Variants in CDKL2 observed in about 807,000 individuals in gnomAD.
The protein encoded by CDKL2 is cyclin-dependent kinase-like 2.
A neutral mutation model predicts 63.9 loss-of-function variants in CDKL2; 64 were observed. That is an observed-to-expected ratio of 1.00 (90% confidence interval 0.82 to 1.23). The LOEUF (loss-of-function observed/expected upper bound fraction) is 1.23. CDKL2 is among the 50% of genes most tolerant of loss of function. CDKL2 has a pLI of 0.00. For missense variants in CDKL2, 656 were observed against 668.0 expected (o/e 0.98, Z 0.20); for synonymous variants, 211 against 229.2 (o/e 0.92, Z 0.72).
intron 3 of CDKL2, among the ~76,000 whole-genome samples, chr4:75,610,413 A>G (rs1257171469): frequency 6.6e-6 from 1 of 152,158 alleles, no homozygotes; most frequent in Non-Finnish European, 1.5e-5. Flanking sequence ...GATTCTAAGT[A>G]TAACCAAGAT....
chr4:75,608,236 T>C (rs765348562), intron 3 of CDKL2, among the ~76,000 whole-genome samples: 34 of 148,638 alleles, frequency 2.3e-4, no homozygotes, highest in African/African-American at 7.7e-4. Flanking sequence ...GCGATTCTAC[T>C]GTCTCAGCCT....
At chr4:75,627,731 C>CTTTTTTTTTT (rs57328528) in intron 1 of CDKL2, among the ~76,000 whole-genome samples, 416 of 85,966 alleles carry the variant, frequency 4.8e-3, no homozygotes, top group African/African-American at 8.7e-3. Context: ...CTTTTTTTTT[C>CTTTTTTTTTT]TTTTTTTTTT....
chr4:75,602,822 A>C (rs13131739), intron 6 of CDKL2, among the ~76,000 whole-genome samples: 61,165 of 151,318 alleles, frequency 0.4, 13,071 homozygotes, highest in African/African-American at 0.51. Flanking sequence ...CCATGCCCAG[A>C]CCCTTTTTAT....
At chr4:75,623,114 CA>C (rs1176599333) in intron 2 of CDKL2, among the ~76,000 whole-genome samples, 1 of 151,768 alleles carries the variant, frequency 6.6e-6, no homozygotes, top group Non-Finnish European at 1.5e-5. Flanking sequence ...TATCTTTACC[CA>C]AAAAAATACA....
rs1165939407 is a variant in CDKL2 at position 75,602,987 on chromosome 4, C to CTTT, written c.795+827_795+829dup. Among the ~76,000 whole-genome samples the CTTT allele has an allele frequency of 4.6e-3, 406 of 87,490 alleles. 5 individuals carry two copies. The highest frequency in any genetic ancestry group is 9.8e-3 in the African/African-American group (217 of 22,184). 57.4% of individuals were successfully genotyped at this position (87,490 alleles called of 152,430 possible). A position where few individuals can be genotyped will look rare whatever the true frequency, so the allele number is the denominator to read the frequency against. ...AATGCTAGATAACAATAAATGGTTT[C>CTTT]TTTTTTTTTTTTTTTTTTTTTTTGA... On this transcript the variant is annotated intron_variant, in intron 6 of 13. Coordinates refer to ENST00000307465, the MANE Select transcript of CDKL2 (RefSeq NM_001330724.2).
chr4:75,599,507 G>C (rs1342497917), intron 7 of CDKL2, among the ~76,000 whole-genome samples: 2 of 123,456 alleles, frequency 1.6e-5, no homozygotes, highest in Non-Finnish European at 3.1e-5. Context: ...GTTGCAGTGA[G>C]CCAAGATTGC....
At chr4:75,585,421 C>T (rs925426465) in intron 12 of CDKL2, among the ~76,000 whole-genome samples, 1 of 151,952 alleles carries the variant, frequency 6.6e-6, no homozygotes, top group African/African-American at 2.4e-5. Context: ...AAGACCCCAT[C>T]TCTCAAAACA....
chr4:75,589,299 CTTTTTTT>C (rs34052339), intron 12 of CDKL2, among the ~76,000 whole-genome samples: 1 of 88,412 alleles, frequency 1.1e-5, no homozygotes, highest in African/African-American at 4.6e-5. Flanking sequence ...TTGATAGTTT[CTTTTTTT>C]TTTTTTTTTT....
Position 75,597,014 on chromosome 4 carries a change from G to C in CDKL2, c.1243C>G (p.Leu415Val). 1 of 1,614,212 alleles carries C rather than the reference G, an allele frequency of 6.2e-7. No individual in the cohort carries two copies. Among genetic ancestry groups the C allele is most frequent in the Non-Finnish European group, 8.5e-7 (1 of 1,180,024 alleles). ...TRNPSVAIPP[L>V]THNLSAVAPS... ...GCAACTGCAGAAAGATTGTGTGTAA[G>C]TGGGGGAATTGCCACGCTTGGATTC... Residue 415 changes from leucine (L) to valine (V), a missense_variant, in exon 9 of 14, where the codon CTT becomes GTT. Transcript: ENST00000307465.
chr4:75,610,097 G>A (rs1352692402), intron 3 of CDKL2, among the ~76,000 whole-genome samples: 3 of 152,042 alleles, frequency 2.0e-5, no homozygotes, highest in Non-Finnish European at 2.9e-5. Context: ...AGCTACTCGG[G>A]AGGCTGAGGC....
At chr4:75,590,171 AAAAGAAGT>A (rs1489284169) in intron 12 of CDKL2, among the ~76,000 whole-genome samples, 8 of 152,160 alleles carry the variant, frequency 5.3e-5, no homozygotes, top group Non-Finnish European at 1.0e-4. Flanking sequence ...TGTCTCAAAA[AAAAGAAGT>A]AAAGAAGTAT....
intron 10 of CDKL2, among the ~76,000 whole-genome samples, chr4:75,594,857 G>A (rs959811499): frequency 6.6e-6 from 1 of 152,190 alleles, no homozygotes; most frequent in Non-Finnish European, 1.5e-5. Flanking sequence ...AAGAGTAGGT[G>A]GAGATGGGAT....
chr4:75,577,593 C>G lies in CDKL2; in HGVS notation c.*1609G>C, dbSNP rs1320299377. Among the ~76,000 whole-genome samples, 1 of 152,142 alleles carries G rather than the reference C, an allele frequency of 6.6e-6. No homozygotes were observed. Among genetic ancestry groups the G allele is most frequent in the African/African-American group, 2.4e-5 (1 of 41,430 alleles). The stretch of plus-strand genomic sequence containing the variant: ...TGAAATAAGCCGAAGCGCCATTTGG[C>G]TTTAAGTATTACCTGTTTGCCATGC... On this transcript the variant is annotated 3_prime_UTR_variant, in exon 14 of 14. Coordinates refer to ENST00000307465, the MANE Select transcript of CDKL2 (RefSeq NM_001330724.2).
intron 1 of CDKL2, among the ~76,000 whole-genome samples, chr4:75,628,433 A>G (rs1012016228): frequency 2.0e-5 from 3 of 152,126 alleles, no homozygotes; most frequent in African/African-American, 7.2e-5. Flanking sequence ...TTTTACTCAT[A>G]TTATATGACA....
intron 4 of CDKL2, among the ~76,000 whole-genome samples, chr4:75,606,458 C>T (rs558937318): frequency 6.6e-6 from 1 of 152,284 alleles, no homozygotes; most frequent in Admixed American, 6.5e-5. Context: ...CATGATCCTC[C>T]CGCCTGGGCC....
intron 1 of CDKL2, among the ~76,000 whole-genome samples, chr4:75,629,712 G>T (rs1263595238): frequency 6.6e-6 from 1 of 152,082 alleles, no homozygotes; most frequent in Non-Finnish European, 1.5e-5. Flanking sequence ...GGCCGAGGCG[G>T]GCGGATCACC....
chr4:75,609,984 A>G (rs1322238278), intron 3 of CDKL2, among the ~76,000 whole-genome samples: 1 of 151,852 alleles, frequency 6.6e-6, no homozygotes, highest in East Asian at 1.9e-4. Flanking sequence ...CGGGTGGATC[A>G]CGAGGTCAGG....
chr4:75,609,664 AAT>A (rs921418080), intron 3 of CDKL2, among the ~76,000 whole-genome samples: 191 of 147,638 alleles, frequency 1.3e-3, no homozygotes, highest in African/African-American at 4.6e-3. Context: ...TTATATATAT[AAT>A]ATATATATAT....
At chr4:75,587,737 A>C (rs577943040) in intron 12 of CDKL2, among the ~76,000 whole-genome samples, 2 of 142,006 alleles carry the variant, frequency 1.4e-5, no homozygotes, top group African/African-American at 5.1e-5. Context: ...CCCCATCTCT[A>C]CTAAAAATAC....
Sources: allele counts gnomAD v4.1 joint callset (sites outside exome capture counted in the v4.1 genomes callset), GRCh38; gene constraint gnomAD v4.1.1; transcripts MANE v1.5; gene names NCBI Gene and HGNC (gene_info 2026-07-23, HGNC 2026-07-21).